PALLD: variants seen among roughly 807,000 people sequenced by gnomAD.
PALLD encodes palladin, cytoskeletal associated protein.
In PALLD, 61 loss-of-function variants were observed where a neutral mutation model predicts 123.5. The ratio of observed to expected loss-of-function variants is 0.49; its 90% CI spans 0.40 to 0.61. The LOEUF (loss-of-function observed/expected upper bound fraction) is 0.61. PALLD is among the 20% of genes least tolerant of loss of function. The pLI is 0.00. For synonymous variants in PALLD, 465 were observed against 496.4 expected (o/e 0.94, Z 0.84); for missense variants, 1,273 against 1,377.0 (o/e 0.92, Z 1.20).
chr4:168,747,659 AC>A (rs1439154070), intron 10 of PALLD, among the ~76,000 whole-genome samples: 1 of 152,200 alleles, frequency 6.6e-6, no homozygotes, highest in Non-Finnish European at 1.5e-5. Context: ...GAGTTGGGGG[AC>A]CTGCCAGTCA....
At chr4:168,868,851 C>T (rs1560823647) in intron 10 of PALLD, among the ~76,000 whole-genome samples, 1 of 152,126 alleles carries the variant, frequency 6.6e-6, no homozygotes, top group Non-Finnish European at 1.5e-5. Flanking sequence ...AAGAATGGGT[C>T]CTATCAAAGA....
intron 2 of PALLD, among the ~76,000 whole-genome samples, chr4:168,604,025 T>G (rs7681805): frequency 0.26 from 39,339 of 152,126 alleles, 5,212 homozygotes; most frequent in East Asian, 0.37. Flanking sequence ...TGGAAAAAAC[T>G]ATTCTACATT....
In PALLD at chr4:168,891,023, G is replaced by A. The variant is rs758090588; in HGVS notation, c.2066G>A (p.Arg689His). ...ATTCAAGACCTGGAACGAAAACTTCGCTTCAAGGAGGACCTCCTGAACAAT... is the reference window on the plus strand; with the variant it reads ...ATTCAAGACCTGGAACGAAAACTTCACTTCAAGGAGGACCTCCTGAACAAT... Reference protein sequence around the residue: ...AVIQDLERKLRFKEDLLNNGQ... With the variant: ...AVIQDLERKLHFKEDLLNNGQ... The change falls in exon 11 of 22, where the codon CGC becomes CAC. Residue 689 changes from arginine (R) to histidine (H), a missense_variant. By Grantham distance (29) the Arg-to-His change is conservative (BLOSUM62 0). This residue lies in a region of PALLD where 944 missense variants were observed against 954.5 expected (regional missense o/e 0.99). Coordinates refer to ENST00000505667, the MANE Select transcript of PALLD (RefSeq NM_001166108.2). The A allele has an allele frequency of 1.7e-5, 28 of 1,614,120 alleles. No individual in the cohort carries two copies. Among genetic ancestry groups the A allele is most frequent in the South Asian group, 4.4e-5 (4 of 91,078 alleles).
chr4:168,627,123 T>C (rs1775375863), intron 2 of PALLD, among the ~76,000 whole-genome samples: 2 of 152,220 alleles, frequency 1.3e-5, no homozygotes, highest in Non-Finnish European at 2.9e-5. Flanking sequence ...TTTAAAAAAT[T>C]ATTCTTTTTG....
chr4:168,854,221 C>T (rs1748243713), intron 10 of PALLD, among the ~76,000 whole-genome samples: 1 of 152,050 alleles, frequency 6.6e-6, no homozygotes, highest in African/African-American at 2.4e-5. Context: ...TAAGATAATA[C>T]ATTGTTGAAC....
intron 10 of PALLD, among the ~76,000 whole-genome samples, chr4:168,856,708 A>G (rs192738319): frequency 1.3e-5 from 2 of 152,354 alleles, no homozygotes. Context: ...TAAGTGATCA[A>G]AGAAACTCAG....
intron 2 of PALLD, among the ~76,000 whole-genome samples, chr4:168,545,385 C>T (rs2712125): frequency 1.4e-3 from 207 of 152,036 alleles, no homozygotes; most frequent in African/African-American, 4.7e-3. Flanking sequence ...AAAAATTAGC[C>T]GGGCGAGGTG....
At chr4:168,648,601 A>C (rs1281540588) in intron 2 of PALLD, 2 of 152,216 alleles carry the variant, frequency 1.3e-5, no homozygotes, top group Non-Finnish European at 2.9e-5. Context: ...ATCTCTTGGC[A>C]TGAGTACTTT....
intron 10 of PALLD, among the ~76,000 whole-genome samples, chr4:168,740,114 A>G (rs1436649389): frequency 3.3e-5 from 5 of 151,268 alleles, no homozygotes. Context: ...AGCTTCCTGT[A>G]TAAAAAAAAA....
intron 8 of PALLD, among the ~76,000 whole-genome samples, chr4:168,701,460 G>A (rs1471919838): frequency 6.6e-6 from 1 of 152,160 alleles, no homozygotes; most frequent in African/African-American, 2.4e-5. Flanking sequence ...TTTAGAAGGG[G>A]CAACTGTATA....
intron 17 of PALLD, among the ~76,000 whole-genome samples, chr4:168,921,310 G>C (rs1761441528): frequency 6.9e-6 from 1 of 145,228 alleles, no homozygotes; most frequent in Admixed American, 7.4e-5. Context: ...AGGAGGCTGA[G>C]ACAGGAGAAT....
Position 168,744,375 on chromosome 4 carries a change from T to C in PALLD, c.1964+32452T>C, listed in dbSNP as rs567650166. The stretch of plus-strand genomic sequence containing the variant: ...GGCCAGTTCTTTCTTCTCTGTACCA[T>C]GGTCAATCTACAGGGTGCCTGCACA... On this transcript the variant is annotated intron_variant, in intron 10 of 21. Transcript: ENST00000505667. Among the ~76,000 whole-genome samples the C allele has an allele frequency of 2.6e-5, 4 of 152,328 alleles. No homozygotes were observed. The South Asian group carries it at 8.3e-4, about 32-fold the overall frequency.
chr4:168,570,486 G>T (rs971492824), intron 2 of PALLD, among the ~76,000 whole-genome samples: 4 of 152,132 alleles, frequency 2.6e-5, no homozygotes, highest in African/African-American at 9.7e-5. Flanking sequence ...TAACAAAAGT[G>T]CCAATGTTCC....
chr4:168,819,319 G>A (rs368707678), intron 10 of PALLD, among the ~76,000 whole-genome samples: 103 of 136,070 alleles, frequency 7.6e-4, no homozygotes, highest in African/African-American at 2.5e-3. Flanking sequence ...CAGAGGCTCC[G>A]AGACCATTTG....
At chr4:168,700,127 A>G in intron 8 of PALLD, 1 of 236,242 alleles carries the variant, frequency 4.2e-6, no homozygotes, top group Non-Finnish European at 8.8e-6. Context: ...TAATGTCAGA[A>G]CCATACAAGC....
chr4:168,717,309 A>C (rs1420939837), intron 10 of PALLD, among the ~76,000 whole-genome samples: 1 of 152,124 alleles, frequency 6.6e-6, no homozygotes, highest in African/African-American at 2.4e-5. Flanking sequence ...CCTTTAGAGC[A>C]ACCCCCATTT....
At chr4:168,715,712 AG>A (rs1467050130) in intron 10 of PALLD, among the ~76,000 whole-genome samples, 1 of 152,172 alleles carries the variant, frequency 6.6e-6, no homozygotes, top group East Asian at 1.9e-4. Context: ...GTACTTTGGA[AG>A]GCCAAGGTGG....
intron 2 of PALLD, among the ~76,000 whole-genome samples, chr4:168,601,094 G>T (rs1312819167): frequency 7.5e-6 from 1 of 133,646 alleles, no homozygotes; most frequent in Non-Finnish European, 1.6e-5. Flanking sequence ...ATTTGCCTTA[G>T]GCTCTTCTTT....
intron 10 of PALLD, among the ~76,000 whole-genome samples, chr4:168,871,593 C>G (rs1751083622): frequency 6.6e-6 from 1 of 152,304 alleles, no homozygotes; most frequent in East Asian, 1.9e-4. Context: ...TTAATGTCCA[C>G]TAAATTAGCA....
Sources: allele counts gnomAD v4.1 joint callset (sites outside exome capture counted in the v4.1 genomes callset), GRCh38; gene constraint gnomAD v4.1.1; regional missense constraint gnomAD v4.1.1; transcripts MANE v1.5; gene names NCBI Gene and HGNC (gene_info 2026-07-23, HGNC 2026-07-21).